CLIP2: variants seen among roughly 807,000 people sequenced by gnomAD.
The protein encoded by CLIP2 is CAP-Gly domain containing linker protein 2, also known as CAP-Gly domain-containing linker protein 2.
A neutral mutation model predicts 111.7 loss-of-function variants in CLIP2; 41 were observed. That is an observed-to-expected ratio of 0.37 (90% CI 0.29 to 0.48). CLIP2 has a LOEUF of 0.48. CLIP2 is among the 20% of genes least tolerant of loss of function. CLIP2 has a pLI of 0.99. For synonymous variants in CLIP2, 660 were observed against 644.2 expected (o/e 1.02, Z -0.37); for missense variants, 1,160 against 1,422.1 (o/e 0.82, Z 2.96).
At chr7:74,395,162 T>A (rs1034446320) in intron 13 of CLIP2, among the ~76,000 whole-genome samples, 9 of 151,618 alleles carry the variant, frequency 5.9e-5, no homozygotes, top group African/African-American at 2.2e-4. Context: ...TTTTTCTTCT[T>A]CTTTTTTTTT....
rs146877002 is a variant in CLIP2, at chr7:74,387,073, G to C, written c.2563+469G>C. The stretch of plus-strand genomic sequence containing the variant: ...AGGGCCAGGTCACCTGCACCAGACA[G>C]ACATGTACCTGGGGAGCAGTGAGTG... On this transcript the variant is annotated intron_variant, in intron 12 of 16. Coordinates refer to ENST00000223398, the MANE Select transcript of CLIP2 (RefSeq NM_003388.5). Among the ~76,000 whole-genome samples the C allele has an allele frequency of 7.3e-5, 11 of 149,764 alleles. No homozygotes were observed. In the East Asian group the frequency reaches 2.2e-3, roughly 29 times the overall value.
At chr7:74,359,531 AT>A (rs1191366733) in intron 6 of CLIP2, among the ~76,000 whole-genome samples, 5 of 150,634 alleles carry the variant, frequency 3.3e-5, no homozygotes. Context: ...TGTTTTTTGT[AT>A]TTTTAGTAGA....
At chr7:74,349,472 A>ATATATATATATATATATG (rs1789915028) in intron 3 of CLIP2, among the ~76,000 whole-genome samples, 1 of 61,476 alleles carries the variant, frequency 1.6e-5, no homozygotes, top group South Asian at 5.4e-4. Flanking sequence ...GTGTGTGTGT[A>ATATATATATATATATATG]TATATATATA....
chr7:74,367,725 C>T (rs1464014121), intron 8 of CLIP2, among the ~76,000 whole-genome samples: 3 of 152,168 alleles, frequency 2.0e-5, no homozygotes, highest in African/African-American at 7.2e-5. Flanking sequence ...CCACATCTAT[C>T]CAGGCCTCCC....
At chr7:74,303,886 T>C (rs1788405901) in intron 1 of CLIP2, among the ~76,000 whole-genome samples, 1 of 131,860 alleles carries the variant, frequency 7.6e-6, no homozygotes, top group South Asian at 2.4e-4. Flanking sequence ...CACTCCAGAA[T>C]GGGTGACAGA....
chr7:74,389,588 T>TA (rs149173666), intron 13 of CLIP2, among the ~76,000 whole-genome samples: 30,357 of 102,832 alleles, frequency 0.3, 5,074 homozygotes, highest in Non-Finnish European at 0.37. Flanking sequence ...CCCCTATCTC[T>TA]AAAAAAAAAA....
chr7:74,315,136 C>T (rs1307119053), intron 1 of CLIP2, among the ~76,000 whole-genome samples: 2 of 152,062 alleles, frequency 1.3e-5, no homozygotes, highest in East Asian at 1.9e-4. Flanking sequence ...ATTAGCCGGG[C>T]GTGGTGACGG....
chr7:74,295,829 A>G (rs1228284433), intron 1 of CLIP2, among the ~76,000 whole-genome samples: 2 of 151,966 alleles, frequency 1.3e-5, no homozygotes. Flanking sequence ...ACAGAGCCAG[A>G]CTTCATCTCT....
chr7:74,328,531 G>T (rs1554730905), intron 2 of CLIP2, among the ~76,000 whole-genome samples: 1 of 152,100 alleles, frequency 6.6e-6, no homozygotes, highest in African/African-American at 2.4e-5. Flanking sequence ...TGGGAGTCAG[G>T]TTGTGCAAAC....
At chr7:74,292,554 T>C (rs1554725550) in intron 1 of CLIP2, among the ~76,000 whole-genome samples, 1 of 151,792 alleles carries the variant, frequency 6.6e-6, no homozygotes, top group Non-Finnish European at 1.5e-5. Flanking sequence ...GACTGGCTAA[T>C]TTTTTGTAGT....
At chr7:74,316,490 A>G (rs560207535) in intron 1 of CLIP2, among the ~76,000 whole-genome samples, 7 of 151,520 alleles carry the variant, frequency 4.6e-5, no homozygotes, top group African/African-American at 7.3e-5. Flanking sequence ...GCCTCAAGCA[A>G]TCCTCCCACC....
At chr7:74,305,233 TTTGAC>T (rs1554727586) in intron 1 of CLIP2, among the ~76,000 whole-genome samples, 1 of 147,150 alleles carries the variant, frequency 6.8e-6, no homozygotes, top group African/African-American at 2.4e-5. Flanking sequence ...TGCCAGGCCT[TTTGAC>T]TTGCCCATTG....
intron 3 of CLIP2, among the ~76,000 whole-genome samples, chr7:74,352,452 A>C (rs1452263025): frequency 3.3e-5 from 5 of 151,772 alleles, no homozygotes; most frequent in Non-Finnish European, 7.4e-5. Context: ...AAAAACAAAA[A>C]CAAAAAAAAC....
chr7:74,380,969 A>G (rs1051230118), intron 11 of CLIP2, 106 bp downstream of exon 11: 11 of 1,069,930 alleles, frequency 1.0e-5, no homozygotes, highest in African/African-American at 1.6e-5. Flanking sequence ...GCCATTTGGT[A>G]AGAGTCACCT....
chr7:74,317,101 T>C (rs2116500671), intron 1 of CLIP2, among the ~76,000 whole-genome samples: 1 of 152,282 alleles, frequency 6.6e-6, no homozygotes, highest in East Asian at 1.9e-4. Context: ...TGAAACATCT[T>C]TCAATTGTAA....
chr7:74,357,249 G>T, intron 5 of CLIP2, 31 bp from the exon 6 acceptor site: 1 of 1,607,520 alleles, frequency 6.2e-7, no homozygotes. Context: ...TCAGATCCCT[G>T]AGACCCGCCT....
intron 1 of CLIP2, among the ~76,000 whole-genome samples, chr7:74,300,699 A>G (rs1554726697): frequency 6.6e-6 from 1 of 151,632 alleles, no homozygotes; most frequent in African/African-American, 2.4e-5. Context: ...CTCATGATCC[A>G]CCCGCCTCGG....
intron 3 of CLIP2, among the ~76,000 whole-genome samples, chr7:74,352,155 G>T (rs1027245446): frequency 2.0e-5 from 3 of 152,122 alleles, no homozygotes; most frequent in Admixed American, 6.6e-5. Flanking sequence ...AGGCAGACAG[G>T]CCAGGTGCAG....
chr7:74,305,974 A>C lies in CLIP2; in HGVS notation c.-67-11506A>C, dbSNP rs1788476020. On this transcript the variant is annotated intron_variant, in intron 1 of 16. Coordinates refer to ENST00000223398, the MANE Select transcript of CLIP2 (RefSeq NM_003388.5). ...GCTTGGAGTCTCTCTGTGGCCCCTC[A>C]TCCCCTCAGCCTGATTGCTGGGGCA... 2.0e-5 allele frequency among the ~76,000 whole-genome samples: 3 copies of C among 150,514 alleles called. No homozygotes were observed. In the South Asian group the frequency reaches 6.4e-4, roughly 32 times the overall value.
Sources: gnomAD v4.1 joint callset for allele counts (sites outside exome capture counted in the v4.1 genomes callset) on GRCh38, gnomAD v4.1.1 for gene constraint, MANE v1.5 for transcripts, NCBI Gene and HGNC (gene_info 2026-07-23, HGNC 2026-07-21) for gene names.